L3MBTL4: variants seen among roughly 807,000 people sequenced by gnomAD.
L3MBTL4 encodes the protein lethal(3)malignant brain tumor-like protein 4.
A neutral mutation model predicts 84.5 loss-of-function variants in L3MBTL4; 70 were observed. The observed-to-expected ratio is 0.83, with a 90% CI of 0.68 to 1.01. The LOEUF is 1.01. L3MBTL4 is among the 50% of genes least tolerant of loss of function. The pLI, the probability that L3MBTL4 is intolerant of heterozygous loss-of-function variation, is 0.00. For missense variants in L3MBTL4, 715 were observed against 754.8 expected (o/e 0.95, Z 0.62); for synonymous variants, 274 against 259.8 (o/e 1.05, Z -0.52).
Position 6,133,033 on chromosome 18 carries a change from T to C in L3MBTL4, c.1199+5161A>G, listed in dbSNP as rs2059921040. 2.0e-5 allele frequency among the ~76,000 whole-genome samples: 3 copies of C among 152,130 alleles called. No individual in the cohort carries two copies. The South Asian group carries it at 6.2e-4, about 32-fold the overall frequency. On this transcript the variant is annotated intron_variant, in intron 14 of 18. Coordinates refer to ENST00000317931, the MANE Select transcript of L3MBTL4 (RefSeq NM_001330559.2). ...AAGGGACAGACAAATTGCAATACCATGGTGTGACGAACTTTGACGATAATG... is the reference window on the plus strand; with the variant it reads ...AAGGGACAGACAAATTGCAATACCACGGTGTGACGAACTTTGACGATAATG...
At chr18:6,081,907 G>A (rs990466348) in intron 15 of L3MBTL4, among the ~76,000 whole-genome samples, 3 of 152,132 alleles carry the variant, frequency 2.0e-5, no homozygotes, top group Non-Finnish European at 4.4e-5. Context: ...AAAAAAGCAA[G>A]AAACCGAGAA....
Position 6,365,399 on chromosome 18 carries a change from G to A in L3MBTL4, c.-91+49402C>T, listed in dbSNP as rs189681678. Among the ~76,000 whole-genome samples, 779 of 152,312 alleles carry A rather than the reference G, an allele frequency of 5.1e-3. 2 individuals carry two copies. The highest frequency in any genetic ancestry group is 8.3e-3 in the Non-Finnish European group (565 of 68,014). Reference sequence around the variant, plus strand: ...TTTATGAACTCAAGAAGAAATAAAAGTAGGTTAACCATAATTGCACATGAT... The same window carrying A: ...TTTATGAACTCAAGAAGAAATAAAAATAGGTTAACCATAATTGCACATGAT... On this transcript the variant is annotated intron_variant, in intron 1 of 18. Coordinates refer to ENST00000317931, the MANE Select transcript of L3MBTL4 (RefSeq NM_001330559.2).
chr18:6,009,235 T>C (rs17392470), intron 16 of L3MBTL4, among the ~76,000 whole-genome samples: 7,687 of 152,206 alleles, frequency 0.051, 218 homozygotes, highest in South Asian at 0.075. Flanking sequence ...GTCCAGGAGT[T>C]GGGGCCTCAG....
chr18:6,347,804 T>C (rs1352247711), intron 1 of L3MBTL4, among the ~76,000 whole-genome samples: 4 of 151,756 alleles, frequency 2.6e-5, no homozygotes, highest in African/African-American at 9.7e-5. Context: ...ACACTAGATG[T>C]CCTAACTAGT....
At chr18:6,405,637 C>T (rs116299037) in intron 1 of L3MBTL4, among the ~76,000 whole-genome samples, 24 of 139,476 alleles carry the variant, frequency 1.7e-4, no homozygotes, top group Middle Eastern at 4.3e-3. Flanking sequence ...GGGCTGGGCG[C>T]GAGGGCCCCC....
At chr18:6,204,196 T>C (rs1284509203) in intron 12 of L3MBTL4, among the ~76,000 whole-genome samples, 3 of 152,234 alleles carry the variant, frequency 2.0e-5, no homozygotes, top group Non-Finnish European at 4.4e-5. Context: ...AGGAAGACAC[T>C]TCCCCATGAA....
intron 16 of L3MBTL4, among the ~76,000 whole-genome samples, chr18:6,052,317 C>T (rs2056869832): frequency 1.3e-5 from 2 of 152,194 alleles, no homozygotes; most frequent in South Asian, 4.1e-4. Flanking sequence ...GATGTTAAAA[C>T]AATGGCTCTG....
At chr18:6,204,396 G>A (rs1568310497) in intron 12 of L3MBTL4, among the ~76,000 whole-genome samples, 1 of 152,166 alleles carries the variant, frequency 6.6e-6, no homozygotes, top group African/African-American at 2.4e-5. Flanking sequence ...TCCCACAGCT[G>A]AGCCCTGATG....
chr18:6,317,001 A>AAAATAAATAAAT lies in L3MBTL4; in HGVS notation c.-90-4957_-90-4946dup, dbSNP rs143668018. ...CAGTAAATAAATAAAATACTGGTAC[A>AAAATAAATAAAT]AAATAAATAAATAAATAAATAAATA... On this transcript the variant is annotated intron_variant, in intron 1 of 18. Coordinates refer to ENST00000317931, the MANE Select transcript of L3MBTL4 (RefSeq NM_001330559.2). 2.2e-3 allele frequency among the ~76,000 whole-genome samples: 338 copies of AAAATAAATAAAT among 151,094 alleles called. 1 individual carries two copies. The highest frequency in any genetic ancestry group is 6.0e-3 in the African/African-American group (246 of 41,002).
intron 14 of L3MBTL4, among the ~76,000 whole-genome samples, chr18:6,101,422 CT>C (rs1241952032): frequency 1.3e-5 from 2 of 152,272 alleles, no homozygotes; most frequent in African/African-American, 4.8e-5. Context: ...CAGAGGTCCC[CT>C]AATGATCCTT....
intron 16 of L3MBTL4, among the ~76,000 whole-genome samples, chr18:5,996,074 G>A (rs1193471024): frequency 1.3e-5 from 2 of 152,094 alleles, no homozygotes; most frequent in Non-Finnish European, 2.9e-5. Context: ...TATCGACTTT[G>A]GAAACAAAAG....
chr18:6,013,403 T>G (rs777110502), intron 16 of L3MBTL4, among the ~76,000 whole-genome samples: 1 of 152,228 alleles, frequency 6.6e-6, no homozygotes, highest in African/African-American at 2.4e-5. Context: ...CAGAACGCAA[T>G]GTGTAAAAAA....
chr18:6,305,225 G>A (rs367773638), intron 3 of L3MBTL4, among the ~76,000 whole-genome samples: 1 of 152,180 alleles, frequency 6.6e-6, no homozygotes, highest in Non-Finnish European at 1.5e-5. Context: ...GTAGAGCAGG[G>A]AAAATGCTGA....
chr18:6,212,993 A>G (rs528926571), intron 12 of L3MBTL4, among the ~76,000 whole-genome samples, 156 bp downstream of exon 12: 27 of 152,332 alleles, frequency 1.8e-4, no homozygotes, highest in South Asian at 1.2e-3. Flanking sequence ...GCCAGGGTCA[A>G]TCTTCAAGGT....
At chr18:6,289,089 T>C (rs1257990797) in intron 4 of L3MBTL4, among the ~76,000 whole-genome samples, 1 of 152,048 alleles carries the variant, frequency 6.6e-6, no homozygotes, top group Non-Finnish European at 1.5e-5. Flanking sequence ...AAATGATTGG[T>C]TGTCCCAAAG....
chr18:6,152,868 T>G (rs2042954869), intron 13 of L3MBTL4, among the ~76,000 whole-genome samples: 1 of 152,182 alleles, frequency 6.6e-6, no homozygotes, highest in Admixed American at 6.5e-5. Flanking sequence ...TGGTTTCAGA[T>G]CTTAGATTTA....
chr18:6,147,878 A>C (rs1445184922), intron 13 of L3MBTL4, among the ~76,000 whole-genome samples: 1 of 152,228 alleles, frequency 6.6e-6, no homozygotes, highest in African/African-American at 2.4e-5. Flanking sequence ...AAAATATAGT[A>C]AAATGCATTT....
intron 5 of L3MBTL4, among the ~76,000 whole-genome samples, chr18:6,257,139 A>G (rs897074872): frequency 6.6e-6 from 1 of 152,202 alleles, no homozygotes; most frequent in Non-Finnish European, 1.5e-5. Context: ...AGGTGATATT[A>G]TCTGCTGTTT....
At chr18:6,266,347 A>G (rs1184864471) in intron 4 of L3MBTL4, among the ~76,000 whole-genome samples, 1 of 152,232 alleles carries the variant, frequency 6.6e-6, no homozygotes, top group African/African-American at 2.4e-5. Context: ...TTTAAAAATT[A>G]TCTGCAAGTA....
Sources: gnomAD v4.1 joint callset for allele counts (sites outside exome capture counted in the v4.1 genomes callset) on GRCh38, gnomAD v4.1.1 for gene constraint, MANE v1.5 for transcripts, NCBI Gene and HGNC (gene_info 2026-07-23, HGNC 2026-07-21) for gene names.